BCL3: variants seen among roughly 807,000 people sequenced by gnomAD.
BCL3 encodes BCL3 transcription coactivator, also known as B-cell lymphoma 3 protein.
Under a neutral mutation model 35.7 loss-of-function variants are expected in BCL3, and 15 were observed. The ratio of observed to expected loss-of-function variants is 0.42; its 90% confidence interval spans 0.28 to 0.65. The LOEUF (loss-of-function observed/expected upper bound fraction) is 0.65. BCL3 is among the 30% of genes least tolerant of loss of function. The pLI is 0.22. For synonymous variants in BCL3, 311 were observed against 284.3 expected, an observed-to-expected ratio of 1.09 and a Z score of -0.95; for missense variants, 565 against 641.7, an observed-to-expected ratio of 0.88 and a Z score of 1.29.
chr19:44,748,289 G>C (rs1045152202), upstream of BCL3, among the ~76,000 whole-genome samples: 5 of 152,168 alleles, frequency 3.3e-5, no homozygotes, highest in African/African-American at 1.2e-4. Flanking sequence ...ACAAACGCGG[G>C]GTTGCGGAGA....
At chr19:44,753,353 A>T (rs966064443) in intron 2 of BCL3, among the ~76,000 whole-genome samples, 10 of 152,048 alleles carry the variant, frequency 6.6e-5, no homozygotes, top group Admixed American at 6.6e-5. Flanking sequence ...GCCAGAGGCC[A>T]CCCGGCCCAC....
In BCL3 at chr19:44,759,588, C is replaced by T. The variant is rs1405049718; in HGVS notation, c.1338C>T (p.Pro446=). 1.2e-6 allele frequency: 2 copies of T among 1,607,596 alleles called. No homozygotes were observed. Among genetic ancestry groups the T allele is most frequent in the East Asian group, 2.2e-5 (1 of 44,536 alleles). Residue 446 remains proline (P), a synonymous_variant, in exon 9 of 9, where the codon CCC becomes CCT. Transcript: ENST00000164227. ...GVLRGPGRPV[P]PSPAPGGS is the part of the protein sequence containing the mutation. ...TCCGAGGCCCTGGCCGGCCGGTGCC[C>T]CCCTCCCCAGCTCCAGGAGGCAGCT...
Position 44,757,286 on chromosome 19 carries a change from A to G in BCL3, c.725-41A>G. ...GACCTGGAGTCCATCAGCGGCCGCA[A>G]AGCCCGGGCCTAGGTTTCACCGAGC... On this transcript the variant is annotated intron_variant, in intron 4 of 8. Transcript: ENST00000164227. This position sits in a 1 kb window ranked among gnomAD's most constrained non-coding sequence, Gnocchi z 8.4. The G allele has an allele frequency of 6.4e-7, 1 of 1,569,250 alleles. No individual in the cohort carries two copies. The highest frequency in any genetic ancestry group is 8.7e-7 in the Non-Finnish European group (1 of 1,155,954).
upstream of BCL3, chr19:44,747,859 G>A (rs555500513): frequency 3.5e-6 from 4 of 1,142,612 alleles, no homozygotes; most frequent in Non-Finnish European, 4.4e-6. Context: ...CACCCACCCC[G>A]GTGCCCCGCG....
chr19:44,748,227 C>A, upstream of BCL3: 1 of 502,858 alleles, frequency 2.0e-6, no homozygotes, highest in African/African-American at 2.0e-5. Flanking sequence ...GAGATGGTGA[C>A]AGACACAAAG....
At chr19:44,754,449 G>A (rs1967243353) in intron 2 of BCL3, among the ~76,000 whole-genome samples, 1 of 152,074 alleles carries the variant, frequency 6.6e-6, no homozygotes. Context: ...TAGATCCCCG[G>A]CGGGACAGGC....
rs138060189 is a variant in BCL3 at position 44,757,028 on chromosome 19, C to T, written c.531C>T (p.His177=). ...IYNNLRQTPL[H]LAVITTLPSV... is the part of the protein sequence containing the mutation. ...TCACTGTTCCCCAGACACCGCTCCACCTGGCTGTGATCACCACATTACCGT... is the reference window on the plus strand; with the variant it reads ...TCACTGTTCCCCAGACACCGCTCCATCTGGCTGTGATCACCACATTACCGT... The change falls in exon 4 of 9, where the codon CAC becomes CAT. Residue 177 remains histidine, a synonymous_variant. Transcript: ENST00000164227. This position sits in a 1 kb window ranked among gnomAD's most constrained non-coding sequence, Gnocchi z 8.4. 5.0e-5 allele frequency: 80 copies of T among 1,606,072 alleles called. No individual in the cohort carries two copies. Among genetic ancestry groups the T allele is most frequent in the Non-Finnish European group, 5.3e-5 (62 of 1,175,122 alleles).
At chr19:44,747,897 C>A (rs2122267048), upstream of BCL3, 1 of 1,159,814 alleles carries the variant, frequency 8.6e-7, no homozygotes, top group Non-Finnish European at 1.1e-6. Flanking sequence ...GGGCCCCCAA[C>A]GAGTGCAGAG....
At position 44,759,710 on chromosome 19, in the gene BCL3, C is replaced by A. The variant is rs1265012135; in HGVS notation, c.*95C>A. On this transcript the variant is annotated 3_prime_UTR_variant, in exon 9 of 9. Transcript: ENST00000164227. ...GAAACTGTGAAGATCTCACTCTGCC[C>A]CCCCCCCCCATCTTCGGGACCAGGA... The A allele has an allele frequency of 1.8e-5, 9 of 502,138 alleles. No individual in the cohort carries two copies. Among genetic ancestry groups the A allele is most frequent in the Admixed American group, 4.5e-5 (1 of 22,464 alleles). 31.1% of individuals were successfully genotyped at this position (502,138 alleles called of 1,614,324 possible).
rs1436569220 is a variant in BCL3, at chr19:44,759,713, C to CA, written c.*98_*99insA. 6.2e-6 allele frequency: 4 copies of CA among 640,226 alleles called. No homozygotes were observed. Among genetic ancestry groups the CA allele is most frequent in the Admixed American group, 6.3e-5 (2 of 31,594 alleles). The allele number at this position is 640,226 out of a possible 1,614,324, so 39.7% of individuals were successfully genotyped here. On this transcript the variant is annotated 3_prime_UTR_variant, in exon 9 of 9. Coordinates refer to ENST00000164227, the MANE Select transcript of BCL3 (RefSeq NM_005178.5). The stretch of plus-strand genomic sequence containing the variant: ...ACTGTGAAGATCTCACTCTGCCCCC[C>CA]CCCCCCATCTTCGGGACCAGGATTT...
upstream of BCL3, chr19:44,748,274 CAG>C (rs1416099427): frequency 1.1e-5 from 4 of 364,038 alleles, no homozygotes; most frequent in Non-Finnish European, 2.1e-5. Context: ...ACAGAGCACA[CAG>C]AGACAAACGC....
At chr19:44,754,082 GC>G (rs1967234153) in intron 2 of BCL3, among the ~76,000 whole-genome samples, 1 of 152,202 alleles carries the variant, frequency 6.6e-6, no homozygotes, top group Admixed American at 6.5e-5. Context: ...TTCCCAAAGG[GC>G]CAGGGTTTGA....
intron 2 of BCL3, among the ~76,000 whole-genome samples, chr19:44,753,775 G>C (rs553055787): frequency 7.1e-6 from 1 of 141,042 alleles, no homozygotes; most frequent in African/African-American, 2.7e-5. Flanking sequence ...GGACCCCCAA[G>C]AGGTTAGGGA....
intron 2 of BCL3, among the ~76,000 whole-genome samples, chr19:44,754,297 G>A (rs1273668438): frequency 2.0e-5 from 3 of 152,168 alleles, no homozygotes; most frequent in Admixed American, 1.3e-4. Context: ...GAGTTCCAGA[G>A]GGTCCCCCAG....
In BCL3 at chr19:44,757,705, G is replaced by A. The variant is rs1967324311; in HGVS notation, c.873G>A (p.Met291Ile). 3 of 1,613,840 alleles carry A rather than the reference G, an allele frequency of 1.9e-6. No homozygotes were observed. In the South Asian group the frequency reaches 3.3e-5, roughly 18 times the overall value. The change falls in exon 6 of 9, where the codon ATG becomes ATA. Residue 291 changes from methionine (M) to isoleucine (I), a missense_variant. This residue lies in a region of BCL3 where 103 missense variants were observed against 106.7 expected (regional missense o/e 0.97). Transcript: ENST00000164227. The surrounding 1 kb of genome is among the most constrained non-coding windows in gnomAD (Gnocchi z 8.4). ...CCGTGGAAAACAACAGCCTTAGCAT[G>A]GTGCAGCTGCTGCTGCAGGTGCGTA... is the stretch of plus-strand genomic sequence containing the variant. The part of the protein sequence containing the change: ...IHAVENNSLS[M>I]VQLLLQHGAN...
Position 44,748,913 on chromosome 19 carries a change from C to G in BCL3, c.123C>G (p.Ser41=). ...PLRKRPLRAP[S]PEPAAPRGAA... is the part of the protein sequence containing the mutation. ...GCAAGCGCCCGCTGCGCGCGCCCTC[C>G]CCGGAGCCCGCCGCTCCCCGCGGCG... Residue 41 remains serine, a synonymous_variant, in exon 1 of 9, where the codon TCC becomes TCG. Transcript: ENST00000164227. 1 of 1,159,474 alleles carries G rather than the reference C, an allele frequency of 8.6e-7. No homozygotes were observed. Among genetic ancestry groups the G allele is most frequent in the South Asian group, 4.0e-5 (1 of 25,152 alleles). 71.8% of individuals were successfully genotyped at this position (1,159,474 alleles called of 1,614,324 possible). A position where few individuals can be genotyped will look rare whatever the true frequency, so the allele number is the denominator to read the frequency against.
In BCL3 at chr19:44,756,294, T is replaced by TCCAGCAGGGGGG; in HGVS notation, c.476_487dup (p.Gln159_Gly162dup). The TCCAGCAGGGGGG allele has an allele frequency of 6.4e-7, 1 of 1,550,726 alleles. No homozygotes were observed. The highest frequency in any genetic ancestry group is 1.7e-4 in the Middle Eastern group (1 of 5,798). On this transcript the variant is annotated inframe_insertion, in exon 3 of 9. Transcript: ENST00000164227. ...GCTGTGCACCGGCTGGTCAACCTCT[T>TCCAGCAGGGGGG]CCAGCAGGGGGGCCGGGAGCTCGAC...
At position 44,758,630 on chromosome 19, in the gene BCL3, G is replaced by C. The variant is rs556590417; in HGVS notation, c.1060-94G>C. 6.2e-6 allele frequency: 8 copies of C among 1,297,370 alleles called. No homozygotes were observed. In the East Asian group the frequency reaches 1.3e-4, roughly 20 times the overall value. The allele number at this position is 1,297,370 out of a possible 1,614,324, so 80.4% of individuals were successfully genotyped here. On this transcript the variant is annotated intron_variant, in intron 7 of 8. Coordinates refer to ENST00000164227, the MANE Select transcript of BCL3 (RefSeq NM_005178.5). ...GCCCATCTTTTCATACTGAGAAGTG[G>C]AGAGGCCACCACCTGGATCCAGTGA...
chr19:44,758,016 C>G (rs1455829832), intron 6 of BCL3, among the ~76,000 whole-genome samples: 1 of 152,234 alleles, frequency 6.6e-6, no homozygotes, highest in Non-Finnish European at 1.5e-5. Context: ...TTCCCCCCTC[C>G]AGCTCCCCCG....
Sources: allele counts gnomAD v4.1 joint callset (sites outside exome capture counted in the v4.1 genomes callset), GRCh38; gene constraint gnomAD v4.1.1; regional missense constraint gnomAD v4.1.1; non-coding constraint Gnocchi (gnomAD v3.1); transcripts MANE v1.5; gene names NCBI Gene and HGNC (gene_info 2026-07-23, HGNC 2026-07-21).